EGFR: variants seen among roughly 807,000 people sequenced by gnomAD.
EGFR encodes avian erythroblastic leukemia viral (v-erb-b) oncogene homolog.
EGFR carries 58 observed loss-of-function variants against 143.0 expected under a neutral mutation model. That is an observed-to-expected ratio of 0.41 (90% CI 0.33 to 0.50). The LOEUF (loss-of-function observed/expected upper bound fraction) is 0.50, where lower values mean the gene tolerates loss of function less well. Ranked by LOEUF, EGFR falls within the 20% of genes least tolerant of loss-of-function variation. The pLI is 0.39. For missense variants in EGFR, 1,307 were observed against 1,579.0 expected (o/e 0.83, Z 2.92); for synonymous variants, 613 against 594.4 (o/e 1.03, Z -0.45).
In EGFR at chr7:55,206,701, C is replaced by T. The variant is rs1055651772; in HGVS notation, c.*1084C>T. On this transcript the variant is annotated 3_prime_UTR_variant, in exon 28 of 28. Coordinates refer to ENST00000275493, the MANE Select transcript of EGFR (RefSeq NM_005228.5). ...TGTGTTACTTATGGAAGATAGTTTT[C>T]TCCTTTTACTTCACTTCAAAAGCTT... is the stretch of plus-strand genomic sequence containing the variant. 2.1e-5 allele frequency: 5 copies of T among 233,112 alleles called. No individual in the cohort carries two copies. In the Admixed American group the frequency reaches 2.8e-4, roughly 13 times the overall value. The allele number at this position is 233,112 out of a possible 1,614,324, so 14.4% of individuals were successfully genotyped here. A position where few individuals can be genotyped will look rare whatever the true frequency, so the allele number is the denominator to read the frequency against.
rs993215603 is a variant in EGFR at position 55,020,044 on chromosome 7, T to C, written c.88+679T>C. Among the ~76,000 whole-genome samples, 4 of 152,192 alleles carry C rather than the reference T, an allele frequency of 2.6e-5. No homozygotes were observed. The East Asian group carries it at 7.7e-4, about 29-fold the overall frequency. On this transcript the variant is annotated intron_variant, in intron 1 of 27. Transcript: ENST00000275493. ...GGAGTCGCAGCCTCGACCTGGGAGC[T>C]GGGAGAACTCGTCTACCACCACCTG...
chr7:55,064,474 C>T (rs1789381821), intron 1 of EGFR, among the ~76,000 whole-genome samples: 1 of 152,314 alleles, frequency 6.6e-6, no homozygotes, highest in East Asian at 1.9e-4. Flanking sequence ...AGTCCATTTT[C>T]CCCACTTTTG....
At chr7:55,096,752 T>C (rs1057159289) in intron 1 of EGFR, among the ~76,000 whole-genome samples, 2 of 152,134 alleles carry the variant, frequency 1.3e-5, no homozygotes, top group Non-Finnish European at 2.9e-5. Context: ...GCAGAGGCCC[T>C]GCCACAGCAC....
chr7:55,019,891 C>A (rs1013141921), intron 1 of EGFR, among the ~76,000 whole-genome samples: 20 of 152,158 alleles, frequency 1.3e-4, no homozygotes, highest in African/African-American at 4.6e-4. Flanking sequence ...TCGGACCCCG[C>A]GGGACAGGCG....
chr7:55,126,919 C>T (rs537680007), intron 1 of EGFR, among the ~76,000 whole-genome samples: 2 of 152,206 alleles, frequency 1.3e-5, no homozygotes, highest in South Asian at 2.1e-4. Context: ...ATGAAATAGC[C>T]ACAAACATTC....
chr7:55,201,259 C>T lies in EGFR; in HGVS notation c.3018C>T (p.Asp1006=), dbSNP rs1562805650. 6.2e-7 allele frequency: 1 copy of T among 1,614,162 alleles called. No homozygotes were observed. ...NFYRALMDEE[D]MDDVVDADEY... ...ACCGTGCCCTGATGGATGAAGAAGA[C>T]ATGGACGACGTGGTGGATGCCGACG... Residue 1006 remains aspartate (D), a synonymous_variant, in exon 25 of 28, where the codon GAC becomes GAT. Transcript: ENST00000275493.
intron 26 of EGFR, among the ~76,000 whole-genome samples, chr7:55,202,300 C>T (rs1369129035): frequency 6.6e-6 from 1 of 152,276 alleles, no homozygotes; most frequent in African/African-American, 2.4e-5. Flanking sequence ...ACCTCCCTCA[C>T]TGCGGAAAGT....
At chr7:55,099,589 C>G (rs913910775) in intron 1 of EGFR, among the ~76,000 whole-genome samples, 10 of 152,288 alleles carry the variant, frequency 6.6e-5, no homozygotes, top group African/African-American at 2.2e-4. Flanking sequence ...GCAGAAGAGA[C>G]ACCGAGGGGT....
intron 19 of EGFR, among the ~76,000 whole-genome samples, chr7:55,178,931 C>G (rs942098952): frequency 3.3e-5 from 5 of 152,184 alleles, no homozygotes; most frequent in Non-Finnish European, 5.9e-5. Context: ...CAGTTCAACC[C>G]TGACAGTTTT....
At chr7:55,064,957 T>TG (rs142114227) in intron 1 of EGFR, among the ~76,000 whole-genome samples, 2,079 of 152,346 alleles carry the variant, frequency 0.014, 42 homozygotes, top group African/African-American at 0.047. Flanking sequence ...TGCGTCCTCC[T>TG]GGAAGAGGTC....
intron 18 of EGFR, 102 bp from the exon 19 acceptor site, chr7:55,174,620 C>G (rs2128954355): frequency 9.7e-7 from 1 of 1,030,250 alleles, no homozygotes; most frequent in Non-Finnish European, 1.5e-6. Flanking sequence ...GTGTCCCTCA[C>G]CTTCGGGGTG....
In EGFR at chr7:55,034,136, C is replaced by G. The variant is rs181553289; in HGVS notation, c.88+14771C>G. 2.6e-5 allele frequency among the ~76,000 whole-genome samples: 4 copies of G among 152,322 alleles called. No individual in the cohort carries two copies. The East Asian group carries it at 5.8e-4, about 22-fold the overall frequency. Reference sequence around the variant, plus strand: ...GAGGAGGGAGGCAAACACACCCTGCCTGGAGCACTTGGCCCTTTCGGCAAT... The same window carrying G: ...GAGGAGGGAGGCAAACACACCCTGCGTGGAGCACTTGGCCCTTTCGGCAAT... On this transcript the variant is annotated intron_variant, in intron 1 of 27. Transcript: ENST00000275493.
At chr7:55,159,767 T>C (rs1046225731) in intron 11 of EGFR, among the ~76,000 whole-genome samples, 1 of 152,216 alleles carries the variant, frequency 6.6e-6, no homozygotes, top group African/African-American at 2.4e-5. Context: ...GAGGGACAGG[T>C]TGGGTGGTGG....
rs572304439 is a variant in EGFR at position 55,194,126 on chromosome 7, C to T, written c.2701+1285C>T. 2.4e-4 allele frequency among the ~76,000 whole-genome samples: 37 copies of T among 152,290 alleles called. No homozygotes were observed. The South Asian group carries it at 3.3e-3, about 14-fold the overall frequency. ...TTATTTTGTCCTCAAGCAGCCCGCC[C>T]CTCCCACTCCAGGCACAGCCCGGTC... is the stretch of plus-strand genomic sequence containing the variant. On this transcript the variant is annotated intron_variant, in intron 22 of 27. Transcript: ENST00000275493.
chr7:55,113,067 G>A (rs537695640), intron 1 of EGFR, among the ~76,000 whole-genome samples: 2 of 152,318 alleles, frequency 1.3e-5, no homozygotes, highest in African/African-American at 2.4e-5. Flanking sequence ...TGTACCAGAC[G>A]CTGGATGACA....
intron 1 of EGFR, among the ~76,000 whole-genome samples, chr7:55,076,387 A>G (rs538113841): frequency 1.5e-3 from 225 of 152,362 alleles, no homozygotes; most frequent in South Asian, 8.9e-3. Flanking sequence ...CAAGGGCACC[A>G]GTAAAATCTA....
chr7:55,065,093 G>A lies in EGFR; in HGVS notation c.88+45728G>A, dbSNP rs78397712. ...TCGAAGCTTCCAGAAGTCAACTCAA[G>A]TTATCTGAAAAGTGACACTTTTGAT... On this transcript the variant is annotated intron_variant, in intron 1 of 27. Transcript: ENST00000275493. 8.7e-3 allele frequency among the ~76,000 whole-genome samples: 1,324 copies of A among 152,316 alleles called. 13 individuals carry two copies. The highest frequency in any genetic ancestry group is 0.015 in the South Asian group (73 of 4,826).
intron 1 of EGFR, among the ~76,000 whole-genome samples, chr7:55,141,800 T>G (rs902098612): frequency 6.6e-6 from 1 of 152,216 alleles, no homozygotes; most frequent in African/African-American, 2.4e-5. Flanking sequence ...TTTTGAGAAG[T>G]AAAAAGTTCA....
At chr7:55,168,020 T>C (rs1297191554) in intron 15 of EGFR, among the ~76,000 whole-genome samples, 1 of 152,242 alleles carries the variant, frequency 6.6e-6, no homozygotes, top group African/African-American at 2.4e-5. Context: ...AGTTTTTAAC[T>C]GTTTTTTAAA....
Sources: allele counts gnomAD v4.1 joint callset (sites outside exome capture counted in the v4.1 genomes callset), GRCh38; gene constraint gnomAD v4.1.1; transcripts MANE v1.5; gene names NCBI Gene and HGNC (gene_info 2026-07-23, HGNC 2026-07-21).